PREX1: variants seen among roughly 807,000 people sequenced by gnomAD.
PREX1 encodes phosphatidylinositol 3,4,5-trisphosphate-dependent Rac exchanger 1 protein.
PREX1 carries 41 observed loss-of-function variants against 198.3 expected under a neutral mutation model. That is an observed-to-expected ratio of 0.21 (90% CI 0.16 to 0.27). PREX1 has a LOEUF of 0.27. PREX1 is among the 10% of genes least tolerant of loss of function. PREX1 has a pLI of 1.00. For missense variants in PREX1, 1,620 were observed against 2,200.7 expected (o/e 0.74, Z 5.28); for synonymous variants, 843 against 887.2 (o/e 0.95, Z 0.89).
intron 5 of PREX1, among the ~76,000 whole-genome samples, chr20:48,710,640 A>C (rs1308752272): frequency 6.6e-5 from 10 of 152,274 alleles, no homozygotes; most frequent in African/African-American, 2.2e-4. Context: ...CTTTTCAGAC[A>C]GTTAAGTACA....
At chr20:48,727,964 G>A (rs941795258) in intron 4 of PREX1, among the ~76,000 whole-genome samples, 2 of 152,108 alleles carry the variant, frequency 1.3e-5, no homozygotes, top group African/African-American at 4.8e-5. Context: ...TCACAGTCCT[G>A]GGTCCCTCAG....
chr20:48,659,262 ACGGGCACG>A (rs2089571017), intron 16 of PREX1, among the ~76,000 whole-genome samples: 12 of 134,374 alleles, frequency 8.9e-5, no homozygotes, highest in Admixed American at 3.2e-4. Context: ...GGAAGGAAGG[ACGGGCACG>A]AGAGAGAGAG....
Position 48,700,853 on chromosome 20 carries a change from G to A in PREX1, c.817C>T (p.Leu273Phe). Residue 273 changes from leucine (L) to phenylalanine (F), a missense_variant, in exon 7 of 40, where the codon CTC becomes TTC. This residue lies in a region of PREX1 where 488 missense variants were observed against 802.5 expected (regional missense o/e 0.61). Coordinates refer to ENST00000371941, the MANE Select transcript of PREX1 (RefSeq NM_020820.4). ...ATCTTTAACAAAGTCCCTTGCAGGAGGAGCTGAGTGCAGATGTCTGTGAGG... is the reference window on the plus strand; with the variant it reads ...ATCTTTAACAAAGTCCCTTGCAGGAAGAGCTGAGTGCAGATGTCTGTGAGG... ...SNLTDICTQL[L>F]LQGTLLKISA... is the part of the protein sequence containing the mutation. 6 of 1,614,214 alleles carry A rather than the reference G, an allele frequency of 3.7e-6. No individual in the cohort carries two copies. The highest frequency in any genetic ancestry group is 1.1e-5 in the South Asian group (1 of 91,088).
chr20:48,700,711 A>G, intron 7 of PREX1, 42 bp downstream of exon 7: 1 of 1,607,868 alleles, frequency 6.2e-7, no homozygotes, highest in Non-Finnish European at 8.5e-7. Flanking sequence ...CACCTGGAGA[A>G]GGCAGCAGGC....
chr20:48,634,299 G>C (rs752481077), intron 33 of PREX1, among the ~76,000 whole-genome samples: 5 of 152,114 alleles, frequency 3.3e-5, no homozygotes, highest in African/African-American at 4.8e-5. Flanking sequence ...GTGGAGGAAG[G>C]AGAGGTGAGG....
chr20:48,701,456 C>T (rs61362607), intron 6 of PREX1, among the ~76,000 whole-genome samples: 48,128 of 152,002 alleles, frequency 0.32, 10,639 homozygotes, highest in African/African-American at 0.63. Flanking sequence ...TCAGGTGATC[C>T]AACCGCCTCA....
At chr20:48,748,111 G>A (rs536638778) in intron 1 of PREX1, among the ~76,000 whole-genome samples, 1 of 152,138 alleles carries the variant, frequency 6.6e-6, no homozygotes, top group South Asian at 2.1e-4. Flanking sequence ...TACGACGCCA[G>A]GCCCTGCACT....
chr20:48,709,049 C>T (rs1422063564), intron 5 of PREX1, among the ~76,000 whole-genome samples: 1 of 152,112 alleles, frequency 6.6e-6, no homozygotes, highest in African/African-American at 2.4e-5. Context: ...GCCAGCTCAC[C>T]CCTCAACTCA....
At chr20:48,843,850 A>G in the PREX1 span, among the ~76,000 whole-genome samples, 1 of 152,168 alleles carries the variant, frequency 6.6e-6, no homozygotes, top group African/African-American at 2.4e-5. Flanking sequence ...CCAAGTCCAA[A>G]TCTAGTAGCT....
intron 5 of PREX1, among the ~76,000 whole-genome samples, chr20:48,715,534 C>T (rs1479234393): frequency 1.3e-5 from 2 of 152,150 alleles, no homozygotes; most frequent in Non-Finnish European, 2.9e-5. Context: ...GCTGTGGGGC[C>T]TTGCACAAGT....
intron 1 of PREX1, among the ~76,000 whole-genome samples, chr20:48,825,110 A>T (rs1022477631): frequency 6.6e-6 from 1 of 152,224 alleles, no homozygotes; most frequent in Non-Finnish European, 1.5e-5. Context: ...GGTAATTAGC[A>T]GTTCCTGAAG....
Position 48,627,911 on chromosome 20 carries a change from C to T in PREX1, c.4819G>A (p.Gly1607Arg), listed in dbSNP as rs771519895. The part of the protein sequence containing the change: ...EQAAILARSH[G>R]LLPKCIMQAT... ...TGCATGATGCACTTGGGCAGCAACC[C>T]GTGGCTCCGTGCCAAGATGGCCGCC... The change falls in exon 38 of 40, where the codon GGG becomes AGG. Residue 1607 changes from glycine to arginine, a missense_variant. By Grantham distance (125) the Gly-to-Arg change is moderately radical. Around this residue, in one of 7 missense-constraint regions of PREX1, gnomAD observed 476 missense variants for 603.4 expected, o/e 0.79. Coordinates refer to ENST00000371941, the MANE Select transcript of PREX1 (RefSeq NM_020820.4). The T allele has an allele frequency of 1.2e-6, 2 of 1,603,972 alleles. No homozygotes were observed. Among genetic ancestry groups the T allele is most frequent in the Admixed American group, 1.7e-5 (1 of 59,652 alleles).
At chr20:48,815,213 T>C (rs1413991399) in intron 1 of PREX1, among the ~76,000 whole-genome samples, 1 of 152,082 alleles carries the variant, frequency 6.6e-6, no homozygotes, top group Non-Finnish European at 1.5e-5. Context: ...CTTCTCTCAA[T>C]AACTACCAGA....
At chr20:48,668,584 A>G in intron 14 of PREX1, among the ~76,000 whole-genome samples, 1 of 152,186 alleles carries the variant, frequency 6.6e-6, no homozygotes, top group Non-Finnish European at 1.5e-5. Context: ...GGATTTTCCA[A>G]CCAGAGGAGA....
intron 1 of PREX1, among the ~76,000 whole-genome samples, chr20:48,814,540 T>G (rs1568651824): frequency 1.3e-5 from 2 of 152,200 alleles, no homozygotes; most frequent in Admixed American, 6.5e-5. Context: ...CTGGAGCCAG[T>G]TGAATACAGT....
the PREX1 span, among the ~76,000 whole-genome samples, chr20:48,874,312 C>T: frequency 6.6e-6 from 1 of 151,954 alleles, no homozygotes; most frequent in Non-Finnish European, 1.5e-5. Flanking sequence ...GGTTGCACCA[C>T]AAAACCTGTT....
Position 48,629,520 on chromosome 20 carries a change from G to A in PREX1, c.4695C>T (p.Ile1565=). The change falls in exon 37 of 40, where the codon ATC becomes ATT. Residue 1565 remains isoleucine, a synonymous_variant. Transcript: ENST00000371941. The part of the protein sequence containing the change: ...GAAGSVGAGL[I]PISSELCYRL... Reference sequence around the variant, plus strand: ...GGTAGCAGAGCTCCGAGGAGATGGGGATGAGGCCGGCGCCCACACTCCCAG... The same window carrying A: ...GGTAGCAGAGCTCCGAGGAGATGGGAATGAGGCCGGCGCCCACACTCCCAG... 6.2e-7 allele frequency: 1 copy of A among 1,614,124 alleles called. No homozygotes were observed. The highest frequency in any genetic ancestry group is 8.5e-7 in the Non-Finnish European group (1 of 1,179,960).
At chr20:48,886,856 T>C in the PREX1 span, among the ~76,000 whole-genome samples, 3 of 152,206 alleles carry the variant, frequency 2.0e-5, no homozygotes, top group Non-Finnish European at 4.4e-5. Context: ...TGTTAACATG[T>C]CAGAGCTGGG....
chr20:48,786,029 G>A (rs1376753263), intron 1 of PREX1, among the ~76,000 whole-genome samples: 3 of 152,218 alleles, frequency 2.0e-5, no homozygotes, highest in African/African-American at 4.8e-5. Flanking sequence ...AGTGGGGCCT[G>A]AGCGGGCTCA....
Sources: gnomAD v4.1 joint callset for allele counts (sites outside exome capture counted in the v4.1 genomes callset) on GRCh38, gnomAD v4.1.1 for gene constraint, gnomAD v4.1.1 regional missense constraint, MANE v1.5 for transcripts, NCBI Gene and HGNC (gene_info 2026-07-23, HGNC 2026-07-21) for gene names.